The following CRYBG3 variants were observed in gnomAD, a reference collection of about 807,000 sequenced individuals.
CRYBG3 encodes crystallin beta-gamma domain containing 3, also known as very large A-kinase anchor protein.
CRYBG3 carries 127 observed loss-of-function variants against 244.2 expected under a neutral mutation model. That is an observed-to-expected ratio of 0.52 (90% confidence interval 0.45 to 0.60). CRYBG3 has a LOEUF of 0.60. Among genes scored for constraint, CRYBG3 ranks in the 20% least tolerant of loss-of-function variants. CRYBG3 has a pLI of 0.00. For synonymous variants in CRYBG3, 1,132 were observed against 1,195.8 expected (o/e 0.95, Z 1.10); for missense variants, 3,325 against 3,442.5 (o/e 0.97, Z 0.85).
At chr3:97,834,409 A>C (rs2038700531) in intron 1 of CRYBG3, among the ~76,000 whole-genome samples, 1 of 152,156 alleles carries the variant, frequency 6.6e-6, no homozygotes, top group African/African-American at 2.4e-5. Flanking sequence ...TAATTTTTAG[A>C]AGATATAGTA....
intron 18 of CRYBG3, among the ~76,000 whole-genome samples, chr3:97,936,504 C>T (rs933595897): frequency 6.6e-6 from 1 of 151,898 alleles, no homozygotes; most frequent in African/African-American, 2.4e-5. Flanking sequence ...AATGCTATGA[C>T]AATGTTATCA....
chr3:97,854,115 T>C (rs1212269886), intron 2 of CRYBG3, among the ~76,000 whole-genome samples: 1 of 152,142 alleles, frequency 6.6e-6, no homozygotes, highest in Admixed American at 6.6e-5. Context: ...GTATGCTTTG[T>C]TGAAGATCAG....
intron 20 of CRYBG3, among the ~76,000 whole-genome samples, 159 bp downstream of exon 20, chr3:97,941,465 T>A (rs1277527915): frequency 6.6e-6 from 1 of 151,936 alleles, no homozygotes; most frequent in African/African-American, 2.4e-5. Context: ...AACATTTATA[T>A]AAAATTAACT....
chr3:97,846,808 C>G (rs2038910006), intron 2 of CRYBG3, among the ~76,000 whole-genome samples: 1 of 152,304 alleles, frequency 6.6e-6, no homozygotes, highest in Admixed American at 6.5e-5. Flanking sequence ...TTCTCTGCCT[C>G]TGTCTGCTTT....
intron 1 of CRYBG3, among the ~76,000 whole-genome samples, chr3:97,840,262 T>C (rs1174410249): frequency 6.6e-6 from 1 of 152,118 alleles, no homozygotes; most frequent in African/African-American, 2.4e-5. Context: ...TTATCCATGC[T>C]AAGAATGTTT....
In CRYBG3 at chr3:97,928,200, C is replaced by G. The variant is rs139197477; in HGVS notation, c.8242-5494C>G. On this transcript the variant is annotated intron_variant, in intron 17 of 21. Coordinates refer to ENST00000389622, the MANE Select transcript of CRYBG3 (RefSeq NM_153605.4). ...TAAAGAAAATGTGGTACATAGCCAC[C>G]ATGGAATACTGTGCAGCCATAAAAA... 1.1e-4 allele frequency among the ~76,000 whole-genome samples: 17 copies of G among 151,854 alleles called. No homozygotes were observed. The East Asian group carries it at 2.5e-3, about 22-fold the overall frequency.
intron 17 of CRYBG3, 138 bp from the exon 18 acceptor site, chr3:97,933,556 C>T (rs1203343149): frequency 2.3e-6 from 2 of 870,530 alleles, no homozygotes; most frequent in Non-Finnish European, 3.8e-6. Flanking sequence ...GCAGTTTTGA[C>T]TATAGCAACC....
intron 1 of CRYBG3, among the ~76,000 whole-genome samples, chr3:97,838,063 GA>G (rs1243539845): frequency 1.3e-5 from 2 of 152,080 alleles, no homozygotes; most frequent in Non-Finnish European, 2.9e-5. Context: ...TACCTCATGA[GA>G]AATTGACTCT....
In CRYBG3 at chr3:97,903,418, A is replaced by G. The variant is rs567556617; in HGVS notation, c.8004+2933A>G. ...AAAGCCTTTATGGTTAATAAGGGAA[A>G]TGAAATCATTGTAGAATATATAACC... On this transcript the variant is annotated intron_variant, in intron 15 of 21. Transcript: ENST00000389622. Among the ~76,000 whole-genome samples, 9 of 152,344 alleles carry G rather than the reference A, an allele frequency of 5.9e-5. No homozygotes were observed. The South Asian group carries it at 1.9e-3, about 32-fold the overall frequency.
chr3:97,906,765 A>AATT (rs2039779454), intron 15 of CRYBG3, among the ~76,000 whole-genome samples: 5 of 152,026 alleles, frequency 3.3e-5, no homozygotes, highest in African/African-American at 1.2e-4. Context: ...TGCCCTGGCC[A>AATT]GAACTTCCAA....
intron 15 of CRYBG3, among the ~76,000 whole-genome samples, chr3:97,910,175 T>C (rs1361020306): frequency 2.6e-5 from 4 of 151,366 alleles, no homozygotes; most frequent in Non-Finnish European, 4.4e-5. Context: ...GACATTTAAG[T>C]CTGCAGAGGT....
chr3:97,920,661 C>T (rs758403994), intron 17 of CRYBG3, among the ~76,000 whole-genome samples: 8 of 152,120 alleles, frequency 5.3e-5, no homozygotes, highest in Non-Finnish European at 1.0e-4. Flanking sequence ...TCCCAAGTAG[C>T]TGGGATTACA....
chr3:97,845,494 T>C (rs1219900314), intron 2 of CRYBG3, among the ~76,000 whole-genome samples: 2 of 152,248 alleles, frequency 1.3e-5, no homozygotes, highest in African/African-American at 4.8e-5. Flanking sequence ...TTTATGTTAA[T>C]AAGGTTTTTA....
At chr3:97,838,167 C>G (rs2038760781) in intron 1 of CRYBG3, among the ~76,000 whole-genome samples, 1 of 152,110 alleles carries the variant, frequency 6.6e-6, no homozygotes, top group Non-Finnish European at 1.5e-5. Flanking sequence ...CCTGTACTTT[C>G]AGTGCTGTAT....
chr3:97,876,902 G>A lies in CRYBG3; in HGVS notation c.5708G>A (p.Ser1903Asn). Reference sequence around the variant, plus strand: ...ACACCACAAGAGTATGCTGAAGGGAGTGTTGAAGAAACAAAGGAAGAGCCT... The same window carrying A: ...ACACCACAAGAGTATGCTGAAGGGAATGTTGAAGAAACAAAGGAAGAGCCT... ...SKTPQEYAEG[S>N]VEETKEEPTE... Residue 1903 changes from serine to asparagine, a missense_variant, in exon 4 of 22, where the codon AGT (serine) becomes AAT (asparagine). Physicochemically the swap from Ser to Asn is conservative, Grantham distance 46 (BLOSUM62 1). Transcript: ENST00000389622. 2.1e-6 allele frequency: 3 copies of A among 1,444,566 alleles called. No individual in the cohort carries two copies. The highest frequency in any genetic ancestry group is 2.7e-6 in the Non-Finnish European group (3 of 1,098,690). The allele number at this position is 1,444,566 out of a possible 1,614,324, so 89.5% of individuals were successfully genotyped here.
rs11544446 is a variant in CRYBG3 at position 97,941,240 on chromosome 3, C to T, written c.8598C>T (p.Cys2866=). 444,389 of 1,609,050 alleles carry T rather than the reference C, an allele frequency of 0.28. 63,762 individuals carry two copies. The highest frequency in any genetic ancestry group is 0.3 in the Admixed American group (17,747 of 59,770). ...SLADTRATSV[C]ISPYSGKNTQ... The stretch of plus-strand genomic sequence containing the variant: ...CAGACACCAGGGCAACATCTGTGTG[C>T]ATTTCTCCCTATAGTGGAAAGAATA... Residue 2866 remains cysteine, a synonymous_variant, in exon 20 of 22, where the codon TGC becomes TGT. Transcript: ENST00000389622.
At chr3:97,914,209 A>G (rs2039902757) in intron 16 of CRYBG3, among the ~76,000 whole-genome samples, 1 of 152,156 alleles carries the variant, frequency 6.6e-6, no homozygotes, top group African/African-American at 2.4e-5. Flanking sequence ...TTACATTAAA[A>G]CACATAAAGT....
chr3:97,879,832 A>G, intron 5 of CRYBG3, 84 bp downstream of exon 5: 2 of 1,032,480 alleles, frequency 1.9e-6, no homozygotes, highest in Non-Finnish European at 2.9e-6. Flanking sequence ...AGTGACTTAG[A>G]TAATGATTTT....
At chr3:97,880,194 A>G in intron 6 of CRYBG3, 94 bp downstream of exon 6, 3 of 622,052 alleles carry the variant, frequency 4.8e-6, no homozygotes, top group Non-Finnish European at 5.6e-6. Context: ...TATTGAAGTC[A>G]TATTCTCCTT....
Sources: allele counts gnomAD v4.1 joint callset (sites outside exome capture counted in the v4.1 genomes callset), GRCh38; gene constraint gnomAD v4.1.1; transcripts MANE v1.5; gene names NCBI Gene and HGNC (gene_info 2026-07-23, HGNC 2026-07-21).